The following SMIM14 variants were observed in gnomAD, a reference collection of about 807,000 sequenced individuals.
SMIM14 encodes the protein chromosome 4 open reading frame 34.
In SMIM14, 5 loss-of-function variants were observed where a neutral mutation model predicts 12.6. The observed-to-expected ratio is 0.40, with a 90% CI of 0.21 to 0.83. The LOEUF is 0.83. SMIM14 is among the 40% of genes least tolerant of loss of function. The pLI, the probability that SMIM14 is intolerant of heterozygous loss-of-function variation, is 0.37. For missense variants in SMIM14, 86 were observed against 119.1 expected, an observed-to-expected ratio of 0.72 and a Z score of 1.29; for synonymous variants, 30 against 40.1, an observed-to-expected ratio of 0.75 and a Z score of 0.95.
At position 39,568,006 on chromosome 4, in the gene SMIM14, G is replaced by A. The variant is rs535308907; in HGVS notation, c.124+4409C>T. On this transcript the variant is annotated intron_variant, in intron 3 of 4. Transcript: ENST00000295958. Reference sequence around the variant, plus strand: ...AAATAAGAACATACAGGCCGGGCGCGGTAGCTCACGCCTGTAATCCCAGCA... The same window carrying A: ...AAATAAGAACATACAGGCCGGGCGCAGTAGCTCACGCCTGTAATCCCAGCA... Among the ~76,000 whole-genome samples, 31 of 152,264 alleles carry A rather than the reference G, an allele frequency of 2.0e-4. No individual in the cohort carries two copies. The South Asian group carries it at 4.1e-3, about 20-fold the overall frequency.
At chr4:39,566,880 T>G (rs928949980) in intron 3 of SMIM14, among the ~76,000 whole-genome samples, 5 of 151,806 alleles carry the variant, frequency 3.3e-5, no homozygotes, top group Admixed American at 3.3e-4. Context: ...GGCAGGAGAA[T>G]CGCTTGAACC....
chr4:39,634,978 T>C (rs1716037753), intron 1 of SMIM14, among the ~76,000 whole-genome samples: 1 of 152,264 alleles, frequency 6.6e-6, no homozygotes, highest in Admixed American at 6.5e-5. Context: ...CAGAGCTTAA[T>C]TTCCAGGGTA....
intron 3 of SMIM14, among the ~76,000 whole-genome samples, chr4:39,559,609 T>A (rs1190236055): frequency 1.3e-5 from 2 of 151,994 alleles, no homozygotes; most frequent in Non-Finnish European, 2.9e-5. Flanking sequence ...AGGGCTCAAT[T>A]CCACAAAAGG....
chr4:39,606,425 A>C (rs959195467), intron 1 of SMIM14, among the ~76,000 whole-genome samples: 1 of 151,840 alleles, frequency 6.6e-6, no homozygotes, highest in Non-Finnish European at 1.5e-5. Flanking sequence ...GGTGGATCAC[A>C]AGGTCAGGAG....
At chr4:39,629,360 CAA>C (rs11459763) in intron 1 of SMIM14, among the ~76,000 whole-genome samples, 2 of 80,486 alleles carry the variant, frequency 2.5e-5, no homozygotes, top group East Asian at 7.5e-4. Flanking sequence ...GACTCTGTCT[CAA>C]AAAAAAAAAA....
At chr4:39,610,767 A>G (rs543660111) in intron 1 of SMIM14, among the ~76,000 whole-genome samples, 1 of 152,094 alleles carries the variant, frequency 6.6e-6, no homozygotes, top group Admixed American at 6.6e-5. Context: ...AAGAGAATAA[A>G]ATTTTAGGGA....
intron 1 of SMIM14, among the ~76,000 whole-genome samples, chr4:39,628,577 G>A (rs1463911857): frequency 6.6e-6 from 1 of 151,636 alleles, no homozygotes; most frequent in Non-Finnish European, 1.5e-5. Context: ...AGCAACTTGG[G>A]AGGCTGAGGC....
intron 3 of SMIM14, among the ~76,000 whole-genome samples, chr4:39,567,128 T>A (rs1321553095): frequency 1.8e-5 from 1 of 54,976 alleles, no homozygotes; most frequent in African/African-American, 7.9e-5. Flanking sequence ...AGAGCAAAAC[T>A]CCATCTCAAA....
intron 1 of SMIM14, among the ~76,000 whole-genome samples, chr4:39,611,488 C>T (rs995266108): frequency 5.4e-5 from 8 of 147,478 alleles, no homozygotes; most frequent in South Asian, 2.1e-4. Flanking sequence ...CCTGAGCAAC[C>T]GAGCAAGACT....
intron 3 of SMIM14, among the ~76,000 whole-genome samples, chr4:39,564,061 A>G (rs758209069): frequency 4.6e-5 from 7 of 152,128 alleles, no homozygotes; most frequent in Non-Finnish European, 1.0e-4. Context: ...AAAATGCCAA[A>G]TGGAATATTC....
chr4:39,597,232 T>C (rs553162196), intron 2 of SMIM14, among the ~76,000 whole-genome samples: 7 of 152,096 alleles, frequency 4.6e-5, no homozygotes, highest in Admixed American at 2.0e-4. Flanking sequence ...GGCTTAAAAA[T>C]GTCCTACTAG....
chr4:39,567,303 A>G (rs923275092), intron 3 of SMIM14, among the ~76,000 whole-genome samples: 1 of 152,118 alleles, frequency 6.6e-6, no homozygotes, highest in Non-Finnish European at 1.5e-5. Context: ...TAAGAATTGT[A>G]TGCTAAGTAC....
Position 39,605,203 on chromosome 4 carries a change from G to A in SMIM14, c.-35-23C>T. The A allele has an allele frequency of 2.9e-6, 4 of 1,356,926 alleles. No homozygotes were observed. In the Admixed American group the frequency reaches 8.4e-5, roughly 29 times the overall value. 84.1% of individuals were successfully genotyped at this position (1,356,926 alleles called of 1,614,324 possible). On this transcript the variant is annotated intron_variant, in intron 1 of 4. Transcript: ENST00000295958. ...AATCTAGGAGGAAGGAAAAAATACTGTTAAGTCTACAATTCAGAATTACTC... is the reference window on the plus strand; with the variant it reads ...AATCTAGGAGGAAGGAAAAAATACTATTAAGTCTACAATTCAGAATTACTC...
At chr4:39,590,243 G>A (rs995814253) in intron 2 of SMIM14, among the ~76,000 whole-genome samples, 33 of 151,510 alleles carry the variant, frequency 2.2e-4, no homozygotes, top group African/African-American at 5.3e-4. Context: ...GTGAAATCCC[G>A]TCTCTACTAA....
At chr4:39,592,107 G>C (rs1260722634) in intron 2 of SMIM14, among the ~76,000 whole-genome samples, 4 of 151,882 alleles carry the variant, frequency 2.6e-5, no homozygotes. Flanking sequence ...GAGGTGGGAG[G>C]ATCGCTTGAG....
At chr4:39,598,601 TCA>T (rs2110049681) in intron 2 of SMIM14, among the ~76,000 whole-genome samples, 1 of 152,342 alleles carries the variant, frequency 6.6e-6, no homozygotes, top group African/African-American at 2.4e-5. Flanking sequence ...AGTTCAGTAC[TCA>T]GTTATCAATT....
chr4:39,572,515 C>T, intron 2 of SMIM14, 52 bp from the exon 3 acceptor site: 2 of 1,442,968 alleles, frequency 1.4e-6, no homozygotes, highest in South Asian at 1.2e-5. Flanking sequence ...CAAAAGTGGA[C>T]CATAATTATT....
chr4:39,614,134 G>A (rs992538036), intron 1 of SMIM14, among the ~76,000 whole-genome samples: 5 of 143,714 alleles, frequency 3.5e-5, no homozygotes, highest in African/African-American at 5.2e-5. Flanking sequence ...GTAGTGAGCC[G>A]AGATGGCACC....
chr4:39,611,645 A>G (rs1715039725), intron 1 of SMIM14, among the ~76,000 whole-genome samples: 1 of 152,306 alleles, frequency 6.6e-6, no homozygotes, highest in East Asian at 1.9e-4. Context: ...CCTGGGCAAC[A>G]GAGCAAGACT....
Sources: gnomAD v4.1 joint callset for allele counts (sites outside exome capture counted in the v4.1 genomes callset) on GRCh38, gnomAD v4.1.1 for gene constraint, MANE v1.5 for transcripts, NCBI Gene and HGNC (gene_info 2026-07-23, HGNC 2026-07-21) for gene names.